Variants in MCF2L2 observed in about 807,000 individuals in gnomAD.
MCF2L2 encodes MCF.2 cell line derived transforming sequence-like 2.
MCF2L2 carries 102 observed loss-of-function variants against 150.2 expected under a neutral mutation model. The ratio of observed to expected loss-of-function variants is 0.68; its 90% confidence interval spans 0.58 to 0.80. The LOEUF (loss-of-function observed/expected upper bound fraction) is 0.80. Among genes scored for constraint, MCF2L2 ranks in the 30% least tolerant of loss-of-function variants. The probability of loss-of-function intolerance (pLI) is 0.00; values close to 1 mark genes in which losing one functional copy is unlikely to be tolerated. For synonymous variants in MCF2L2, 465 were observed against 491.3 expected (o/e 0.95, Z 0.71); for missense variants, 1,256 against 1,372.8 (o/e 0.91, Z 1.34).
At chr3:183,230,794 T>C (rs1723521302) in intron 16 of MCF2L2, among the ~76,000 whole-genome samples, 157 bp downstream of exon 16, 1 of 152,210 alleles carries the variant, frequency 6.6e-6, no homozygotes, top group South Asian at 2.1e-4. Flanking sequence ...ACCACAGGGA[T>C]GTTCTTATTC....
At chr3:183,198,771 C>T (rs750096541) in intron 25 of MCF2L2, among the ~76,000 whole-genome samples, 12 of 152,052 alleles carry the variant, frequency 7.9e-5, no homozygotes, top group Non-Finnish European at 1.8e-4. Context: ...GTCCTTAAAC[C>T]ACCCTTTGAG....
At chr3:183,363,949 G>C (rs1260729176) in intron 3 of MCF2L2, among the ~76,000 whole-genome samples, 1 of 152,096 alleles carries the variant, frequency 6.6e-6, no homozygotes, top group African/African-American at 2.4e-5. Context: ...ACAATGTAAG[G>C]CCACAAAGAA....
rs1453171049 is a variant in MCF2L2, at chr3:183,390,913, A to C, written c.77-1134T>G. 2.6e-5 allele frequency among the ~76,000 whole-genome samples: 4 copies of C among 152,182 alleles called. No individual in the cohort carries two copies. The South Asian group carries it at 6.2e-4, about 24-fold the overall frequency. On this transcript the variant is annotated intron_variant, in intron 1 of 29. Transcript: ENST00000328913. ...CCCTGTCTCAAAACAAAACAAAACA[A>C]AACAAAAACAATAACAAAAAATGAA...
rs563767618 is a variant in MCF2L2, at chr3:183,338,690, C to T, written c.486+110G>A. ...TGCGGTTCCCTCAGCCCAGAGAACC[C>T]TTTTCTCCCTCTCTACCTGTTGAAT... On this transcript the variant is annotated intron_variant, in intron 5 of 29. Coordinates refer to ENST00000328913, the MANE Select transcript of MCF2L2 (RefSeq NM_015078.4). 45 of 1,170,872 alleles carry T rather than the reference C, an allele frequency of 3.8e-5. 1 individual carries two copies. In the South Asian group the frequency reaches 8.1e-4, roughly 21 times the overall value. The allele number at this position is 1,170,872 out of a possible 1,614,324, so 72.5% of individuals were successfully genotyped here. A position where few individuals can be genotyped will look rare whatever the true frequency, so the allele number is the denominator to read the frequency against.
At chr3:183,376,975 T>A (rs1397813994) in intron 3 of MCF2L2, 1 of 152,250 alleles carries the variant, frequency 6.6e-6, no homozygotes, top group Non-Finnish European at 1.5e-5. Flanking sequence ...GATATTCTTG[T>A]ACCTGCTGTT....
intron 3 of MCF2L2, among the ~76,000 whole-genome samples, chr3:183,364,047 A>G (rs1448130911): frequency 2.0e-5 from 3 of 152,212 alleles, no homozygotes; most frequent in East Asian, 3.8e-4. Flanking sequence ...CTAAAATGTA[A>G]TGACAAAGAA....
chr3:183,239,582 C>G (rs993015464), intron 15 of MCF2L2, among the ~76,000 whole-genome samples: 8 of 152,174 alleles, frequency 5.3e-5, no homozygotes, highest in Non-Finnish European at 1.0e-4. Flanking sequence ...TGTCACCCCC[C>G]CTTCCCCGCC....
At chr3:183,301,532 C>T (rs912604249) in intron 10 of MCF2L2, among the ~76,000 whole-genome samples, 15 of 152,244 alleles carry the variant, frequency 9.9e-5, no homozygotes, top group Admixed American at 9.2e-4. Flanking sequence ...TGGTGGCTCA[C>T]GCCTGTAATC....
chr3:183,297,950 T>A (rs984875975), intron 11 of MCF2L2: 6 of 152,234 alleles, frequency 3.9e-5, no homozygotes, highest in Admixed American at 2.0e-4. Flanking sequence ...CACAGGGTGA[T>A]TAATAAGACA....
intron 5 of MCF2L2, among the ~76,000 whole-genome samples, chr3:183,325,658 A>G (rs1352187150): frequency 1.3e-5 from 2 of 152,166 alleles, no homozygotes; most frequent in Non-Finnish European, 2.9e-5. Flanking sequence ...TTTAAAAAAG[A>G]CCCAATGTGC....
At position 183,389,705 on chromosome 3, in the gene MCF2L2, T is replaced by C; in HGVS notation, c.151A>G (p.Ile51Val). ...TGAATGTGCCCCTTACCTGAAAGAA[T>C]GGCAAATTGTCTGTGAAGTTGTTCT... is the stretch of plus-strand genomic sequence containing the variant. ...IIEQLHRQFA[I>V]LSGGRGEDGA... Residue 51 changes from isoleucine (I) to valine (V), a missense_variant, in exon 2 of 30, where the codon ATT (isoleucine) becomes GTT (valine). Ile to Val is a conservative substitution (Grantham distance 29, BLOSUM62 3). Transcript: ENST00000328913. 1 of 1,614,076 alleles carries C rather than the reference T, an allele frequency of 6.2e-7. No individual in the cohort carries two copies. The highest frequency in any genetic ancestry group is 8.5e-7 in the Non-Finnish European group (1 of 1,179,918).
intron 1 of MCF2L2, among the ~76,000 whole-genome samples, chr3:183,407,448 T>C (rs1172245998): frequency 6.6e-6 from 1 of 152,230 alleles, no homozygotes; most frequent in Non-Finnish European, 1.5e-5. Flanking sequence ...TGGGAAGAAT[T>C]GACATCTTGA....
chr3:183,346,078 G>A (rs1730887022), intron 3 of MCF2L2, among the ~76,000 whole-genome samples: 1 of 152,160 alleles, frequency 6.6e-6, no homozygotes, highest in Non-Finnish European at 1.5e-5. Flanking sequence ...TATGAGGCCA[G>A]CATCATCCTG....
At chr3:183,379,780 G>A (rs972397832) in intron 2 of MCF2L2, among the ~76,000 whole-genome samples, 3 of 152,064 alleles carry the variant, frequency 2.0e-5, no homozygotes, top group Admixed American at 6.5e-5. Flanking sequence ...GAGAGTTAAC[G>A]CTAAAATCAG....
intron 26 of MCF2L2, among the ~76,000 whole-genome samples, chr3:183,193,946 A>G (rs1040105185): frequency 2.0e-5 from 3 of 152,186 alleles, no homozygotes; most frequent in Non-Finnish European, 4.4e-5. Flanking sequence ...AGCACCTACA[A>G]AAGTGCCTGG....
At chr3:183,341,702 T>TAC in intron 3 of MCF2L2, 72 bp from the exon 4 acceptor site, 1 of 1,069,492 alleles carries the variant, frequency 9.4e-7, no homozygotes, top group Non-Finnish European at 1.5e-6. Flanking sequence ...CACAGCAGAA[T>TAC]ACACCCTGAA....
chr3:183,220,041 C>T (rs547041337), intron 20 of MCF2L2, 117 bp from the exon 21 acceptor site: 262 of 742,184 alleles, frequency 3.5e-4, no homozygotes, highest in African/African-American at 3.3e-3. Flanking sequence ...TGACTGAGAA[C>T]GTGTGTAAAT....
chr3:183,355,058 ATTAT>A (rs1236673639), intron 3 of MCF2L2, among the ~76,000 whole-genome samples: 2 of 150,142 alleles, frequency 1.3e-5, no homozygotes, highest in Non-Finnish European at 1.5e-5. Flanking sequence ...TTTTAATAAT[ATTAT>A]TTATTATTCA....
chr3:183,191,130 C>T (rs1008052012), intron 27 of MCF2L2, among the ~76,000 whole-genome samples: 2 of 152,206 alleles, frequency 1.3e-5, no homozygotes, highest in African/African-American at 4.8e-5. Flanking sequence ...CCCACCTCGG[C>T]CTCCCAAAGT....
Sources: gnomAD v4.1 joint callset for allele counts (sites outside exome capture counted in the v4.1 genomes callset) on GRCh38, gnomAD v4.1.1 for gene constraint, MANE v1.5 for transcripts, NCBI Gene and HGNC (gene_info 2026-07-23, HGNC 2026-07-21) for gene names.